SCFD2: variants seen among roughly 807,000 people sequenced by gnomAD.
SCFD2 encodes the protein sec1 family domain containing 2.
In SCFD2, 54 loss-of-function variants were observed where a neutral mutation model predicts 58.9. That is an observed-to-expected ratio of 0.92 (90% CI 0.74 to 1.15). The LOEUF (loss-of-function observed/expected upper bound fraction) is 1.15, where lower values mean the gene tolerates loss of function less well. Ranked by LOEUF, SCFD2 falls within the 50% of genes most tolerant of loss-of-function variation. The pLI is 0.00. For synonymous variants in SCFD2, 321 were observed against 335.9 expected (o/e 0.96, Z 0.49); for missense variants, 805 against 836.6 (o/e 0.96, Z 0.47).
intron 3 of SCFD2, among the ~76,000 whole-genome samples, chr4:53,281,101 G>C (rs1162926579): frequency 6.6e-6 from 1 of 152,178 alleles, no homozygotes; most frequent in Non-Finnish European, 1.5e-5. Flanking sequence ...GATCTCCATT[G>C]CATTTTGCTT....
intron 4 of SCFD2, among the ~76,000 whole-genome samples, chr4:53,151,959 G>A (rs538855546): frequency 5.3e-5 from 8 of 152,244 alleles, no homozygotes; most frequent in African/African-American, 1.9e-4. Flanking sequence ...GATCTTTTAT[G>A]AACTCAAAGC....
chr4:53,236,222 C>G (rs1192057268), intron 4 of SCFD2, among the ~76,000 whole-genome samples: 2 of 152,092 alleles, frequency 1.3e-5, no homozygotes, highest in East Asian at 1.9e-4. Flanking sequence ...CAGCCTACAT[C>G]TTTCTCCCAT....
chr4:52,876,756 G>GAAAAAAAAAAAAAAAAAAAA (rs761229349), intron 8 of SCFD2, among the ~76,000 whole-genome samples: 1 of 54,394 alleles, frequency 1.8e-5, no homozygotes. Flanking sequence ...TCTCTGTCTC[G>GAAAAAAAAAAAAAAAAAAAA]AAAAAAAAAA....
chr4:53,047,828 T>G (rs1723081358), intron 5 of SCFD2, among the ~76,000 whole-genome samples: 1 of 152,306 alleles, frequency 6.6e-6, no homozygotes. Flanking sequence ...GAAATGGGCA[T>G]CTCCAGTAGG....
chr4:53,007,214 G>A (rs1721987847), intron 5 of SCFD2, among the ~76,000 whole-genome samples: 1 of 150,034 alleles, frequency 6.7e-6, no homozygotes, highest in Admixed American at 6.7e-5. Context: ...GGGAGTTTAA[G>A]GTTACAGTGA....
intron 5 of SCFD2, among the ~76,000 whole-genome samples, chr4:53,125,734 G>A (rs1305146129): frequency 6.6e-6 from 1 of 152,308 alleles, no homozygotes; most frequent in African/African-American, 2.4e-5. Context: ...TCTCCGTTAT[G>A]ATGAAAGACT....
At chr4:53,314,224 A>G (rs537569001) in intron 2 of SCFD2, among the ~76,000 whole-genome samples, 1 of 152,390 alleles carries the variant, frequency 6.6e-6, no homozygotes, top group East Asian at 1.9e-4. Flanking sequence ...ATTTCATTCA[A>G]AAATTACTCA....
intron 5 of SCFD2, among the ~76,000 whole-genome samples, chr4:52,932,795 T>C (rs1009622240): frequency 6.6e-6 from 1 of 152,166 alleles, no homozygotes; most frequent in Non-Finnish European, 1.5e-5. Flanking sequence ...AAGGTTCCAC[T>C]GCACCTGTTG....
intron 1 of SCFD2, among the ~76,000 whole-genome samples, chr4:53,353,821 TTC>T (rs1734315593): frequency 7.2e-6 from 1 of 139,618 alleles, no homozygotes; most frequent in East Asian, 2.2e-4. Context: ...CACAACTTTC[TTC>T]AAGTCCCCAC....
At chr4:53,196,805 A>C (rs532973071) in intron 4 of SCFD2, among the ~76,000 whole-genome samples, 1 of 152,142 alleles carries the variant, frequency 6.6e-6, no homozygotes, top group East Asian at 1.9e-4. Context: ...AATCATGCCA[A>C]TGTCTTGTTC....
intron 4 of SCFD2, among the ~76,000 whole-genome samples, chr4:53,225,961 T>A (rs748522824): frequency 6.6e-6 from 1 of 152,188 alleles, no homozygotes; most frequent in Non-Finnish European, 1.5e-5. Flanking sequence ...GGGGTATTTT[T>A]AATTTTTTTA....
intron 5 of SCFD2, among the ~76,000 whole-genome samples, chr4:52,947,630 T>C (rs1180372669): frequency 2.0e-5 from 3 of 151,914 alleles, no homozygotes; most frequent in Non-Finnish European, 4.4e-5. Flanking sequence ...TCCATGCACA[T>C]ATGGAAACTT....
intron 2 of SCFD2, among the ~76,000 whole-genome samples, chr4:53,337,090 A>T (rs549263545): frequency 1.5e-4 from 22 of 150,168 alleles, no homozygotes; most frequent in Non-Finnish European, 3.0e-4. Context: ...AGGGTGGCTT[A>T]AACAACAGAA....
At chr4:53,082,821 C>T (rs1263055503) in intron 5 of SCFD2, among the ~76,000 whole-genome samples, 2 of 152,164 alleles carry the variant, frequency 1.3e-5, no homozygotes, top group South Asian at 2.1e-4. Context: ...CAAACTGGAA[C>T]TTACACCATT....
chr4:53,310,035 A>G (rs1395481964), intron 3 of SCFD2, among the ~76,000 whole-genome samples: 3 of 152,212 alleles, frequency 2.0e-5, no homozygotes, highest in African/African-American at 4.8e-5. Context: ...AGAAGAGGCT[A>G]AAGTCACAGA....
chr4:53,047,504 T>C (rs1235687438), intron 5 of SCFD2, among the ~76,000 whole-genome samples: 2 of 152,168 alleles, frequency 1.3e-5, no homozygotes, highest in East Asian at 3.9e-4. Flanking sequence ...GTATTTTCTT[T>C]GCAGGTTGTG....
At chr4:53,317,223 TTTTAAG>T (rs1732893797) in intron 2 of SCFD2, among the ~76,000 whole-genome samples, 1 of 152,198 alleles carries the variant, frequency 6.6e-6, no homozygotes. Context: ...CACATGGTCA[TTTTAAG>T]TTTATCAAGG....
At chr4:53,203,714 C>T (rs949902981) in intron 4 of SCFD2, among the ~76,000 whole-genome samples, 2 of 152,052 alleles carry the variant, frequency 1.3e-5, no homozygotes, top group African/African-American at 2.4e-5. Context: ...CCTACTTATA[C>T]TATAGAATCC....
intron 5 of SCFD2, among the ~76,000 whole-genome samples, chr4:52,976,181 A>T (rs1721257166): frequency 6.6e-6 from 1 of 152,156 alleles, no homozygotes; most frequent in South Asian, 2.1e-4. Context: ...ATATAAAAAA[A>T]ATTGGTTGTT....
Sources: gnomAD v4.1 joint callset for allele counts (sites outside exome capture counted in the v4.1 genomes callset) on GRCh38, gnomAD v4.1.1 for gene constraint, MANE v1.5 for transcripts, NCBI Gene and HGNC (gene_info 2026-07-23, HGNC 2026-07-21) for gene names.